NUP160: variants seen among roughly 807,000 people sequenced by gnomAD.
The protein encoded by NUP160 is nuclear pore complex protein Nup160.
A neutral mutation model predicts 196.9 loss-of-function variants in NUP160; 94 were observed. That is an observed-to-expected ratio of 0.48 (90% CI 0.40 to 0.57). NUP160 has a LOEUF of 0.57. NUP160 is among the 20% of genes least tolerant of loss of function. NUP160 has a pLI of 0.00. For synonymous variants in NUP160, 605 were observed against 619.7 expected (o/e 0.98, Z 0.35); for missense variants, 1,638 against 1,748.3 (o/e 0.94, Z 1.13).
chr11:47,791,859 A>G (rs1366259937), intron 29 of NUP160, 71 bp downstream of exon 29: 9 of 1,006,204 alleles, frequency 8.9e-6, no homozygotes, highest in East Asian at 4.8e-5. Flanking sequence ...ACATATTTCT[A>G]TCATAATACA....
Position 47,801,863 on chromosome 11 carries a change from C to T in NUP160, c.2843G>A (p.Arg948His), listed in dbSNP as rs745749003. 78 of 1,613,576 alleles carry T rather than the reference C, an allele frequency of 4.8e-5. No individual in the cohort carries two copies. Among genetic ancestry groups the T allele is most frequent in the Non-Finnish European group, 5.9e-5 (70 of 1,179,704 alleles). The change falls in exon 23 of 36, where the codon CGC (arginine) becomes CAC (histidine). Residue 948 changes from arginine (R) to histidine (H), a missense_variant. Physicochemically the swap from Arg to His is conservative, Grantham distance 29. This residue lies in a region of NUP160 where 1,345 missense variants were observed against 1,470.2 expected (regional missense o/e 0.91). Coordinates refer to ENST00000378460, the Ensembl canonical transcript of NUP160. Reference sequence around the variant, plus strand: ...AGACACGATCTCCCCATCCTCTGAGCGAATCAAGCGATCCAAGAATTCCTC... The same window carrying T: ...AGACACGATCTCCCCATCCTCTGAGTGAATCAAGCGATCCAAGAATTCCTC...
At chr11:47,798,537 T>C (rs180701993) in intron 23 of NUP160, 74 bp from the exon 24 acceptor site, 1 of 867,176 alleles carries the variant, frequency 1.2e-6, no homozygotes, top group Admixed American at 2.1e-5. Flanking sequence ...TGGTTTAAAA[T>C]TATTGAGAAA....
At chr11:47,785,728 CAGA>C (rs1200591086) in intron 32 of NUP160, among the ~76,000 whole-genome samples, 4 of 152,204 alleles carry the variant, frequency 2.6e-5, no homozygotes, top group African/African-American at 9.6e-5. Flanking sequence ...TAGAATCATG[CAGA>C]AGTTCTAACT....
chr11:47,846,726 A>G (rs1852408329), intron 2 of NUP160, among the ~76,000 whole-genome samples: 1 of 152,208 alleles, frequency 6.6e-6, no homozygotes, highest in South Asian at 2.1e-4. Flanking sequence ...CACTTTCCAC[A>G]AAGTAGACTG....
intron 34 of NUP160, 93 bp from the exon 35 acceptor site, chr11:47,780,540 C>G (rs929991548): frequency 2.5e-6 from 1 of 399,030 alleles, no homozygotes; most frequent in African/African-American, 2.6e-5. Flanking sequence ...ATAAAATACC[C>G]TTTTTTTTTT....
Position 47,822,181 on chromosome 11 carries a change from T to C in NUP160, c.1102-17A>G. ...AATGCAGAACTGTTAAAACACAAGA[T>C]GATCATTTATTACCTGAAATAATCA... On this transcript the variant is annotated splice_polypyrimidine_tract_variant and intron_variant, in intron 7 of 35. Coordinates refer to ENST00000378460, the Ensembl canonical transcript of NUP160. The C allele has an allele frequency of 6.6e-7, 1 of 1,505,256 alleles. No individual in the cohort carries two copies. The highest frequency in any genetic ancestry group is 9.2e-7 in the Non-Finnish European group (1 of 1,083,818). The allele number at this position is 1,505,256 out of a possible 1,614,324, so 93.2% of individuals were successfully genotyped here.
intron 2 of NUP160, among the ~76,000 whole-genome samples, chr11:47,843,248 T>C (rs1407577024): frequency 6.6e-6 from 1 of 152,164 alleles, no homozygotes; most frequent in Non-Finnish European, 1.5e-5. Context: ...TCCCTTTCCC[T>C]CTTGAACCCA....
chr11:47,816,635 G>A (rs1021506024), intron 11 of NUP160, among the ~76,000 whole-genome samples: 2 of 152,130 alleles, frequency 1.3e-5, no homozygotes, highest in South Asian at 2.1e-4. Flanking sequence ...AATTAGCCGG[G>A]TGTGGTGGCA....
intron 6 of NUP160, among the ~76,000 whole-genome samples, chr11:47,836,623 A>G (rs1852181416): frequency 6.6e-6 from 1 of 152,160 alleles, no homozygotes; most frequent in Non-Finnish European, 1.5e-5. Flanking sequence ...AAAATTAAAA[A>G]ATTTAAAAAA....
At position 47,792,964 on chromosome 11, in the gene NUP160, ATTAGACT is replaced by A; in HGVS notation, c.3290-25_3290-19del. ...TGTGCCAGCTATGAGGAGATAATAA[ATTAGACT>A]TTAGAACTTCCAAATTTTTTTTTCT... is the stretch of plus-strand genomic sequence containing the variant. On this transcript the variant is annotated intron_variant, in intron 27 of 35. Transcript: ENST00000378460. 1 of 1,595,356 alleles carries A rather than the reference ATTAGACT, an allele frequency of 6.3e-7. No individual in the cohort carries two copies. The highest frequency in any genetic ancestry group is 8.5e-7 in the Non-Finnish European group (1 of 1,174,332).
rs140949934 is a variant in NUP160 at position 47,797,770 on chromosome 11, A to G, written c.3289+9T>C. 1.5e-5 allele frequency: 24 copies of G among 1,590,454 alleles called. No individual in the cohort carries two copies. In the African/African-American group the frequency reaches 2.3e-4, roughly 15 times the overall value. ...TGTCTGCAAGATACTGTCTGGTTACATTGCTCACCCTTGCGGTAATTGTGG... is the reference window on the plus strand; with the variant it reads ...TGTCTGCAAGATACTGTCTGGTTACGTTGCTCACCCTTGCGGTAATTGTGG... On this transcript the variant is annotated intron_variant, in intron 27 of 35. Coordinates refer to ENST00000378460, the Ensembl canonical transcript of NUP160.
chr11:47,806,432 G>GT, intron 19 of NUP160, 120 bp from the exon 20 acceptor site: 1 of 704,508 alleles, frequency 1.4e-6, no homozygotes, highest in Non-Finnish European at 2.3e-6. Context: ...AACAGAAAAT[G>GT]TATCACGGGT....
chr11:47,848,262 GCGCTCAGCTC>G lies in NUP160; in HGVS notation c.149_158del (p.Gly50AlafsTer25). The G allele has an allele frequency of 1.2e-6, 2 of 1,614,144 alleles. No individual in the cohort carries two copies. The highest frequency in any genetic ancestry group is 1.7e-6 in the Non-Finnish European group (2 of 1,180,030). On this transcript the variant is annotated frameshift_variant, in exon 1 of 36. Transcript: ENST00000378460. LOFTEE classifies it high-confidence loss of function. ...ATTCCCGAAAGTGCCTCGGCCTTTC[GCGCTCAGCTC>G]CGCTTAGCTCCACGAAGCTCCGTTC...
chr11:47,786,220 A>G (rs143973203), intron 32 of NUP160, among the ~76,000 whole-genome samples: 372 of 152,336 alleles, frequency 2.4e-3, no homozygotes, highest in Middle Eastern at 0.014. Flanking sequence ...TGAAACAGTA[A>G]GTCTTTGAGG....
chr11:47,836,870 A>G lies in NUP160; in HGVS notation c.942+17T>C. ...AATCCTGTTTTAACTTACAGCAACT[A>G]TAAATGTAGCACTTACCTTGTAAGA... is the stretch of plus-strand genomic sequence containing the variant. On this transcript the variant is annotated intron_variant, in intron 6 of 35. Transcript: ENST00000378460. The G allele has an allele frequency of 2.1e-6, 3 of 1,424,500 alleles. No individual in the cohort carries two copies. The highest frequency in any genetic ancestry group is 3.0e-6 in the Non-Finnish European group (3 of 1,010,730). The allele number at this position is 1,424,500 out of a possible 1,614,324, so 88.2% of individuals were successfully genotyped here.
At chr11:47,780,797 C>A (rs2097660302) in intron 34 of NUP160, among the ~76,000 whole-genome samples, 1 of 151,928 alleles carries the variant, frequency 6.6e-6, no homozygotes, top group Non-Finnish European at 1.5e-5. Context: ...CTGCCTTGGC[C>A]TCCGAAAGTG....
chr11:47,790,395 G>T (rs1463757700), intron 29 of NUP160, among the ~76,000 whole-genome samples: 3 of 151,900 alleles, frequency 2.0e-5, no homozygotes, highest in Non-Finnish European at 4.4e-5. Context: ...GAGTAGCTGG[G>T]ATTACAGCCA....
intron 10 of NUP160, 106 bp from the exon 11 acceptor site, chr11:47,818,230 C>A: frequency 2.8e-6 from 2 of 720,150 alleles, no homozygotes; most frequent in Admixed American, 2.2e-5. Context: ...TGCCATTTTG[C>A]CCTTCTATAT....
At chr11:47,809,072 G>A (rs1442270036) in intron 17 of NUP160, among the ~76,000 whole-genome samples, 3 of 151,754 alleles carry the variant, frequency 2.0e-5, no homozygotes, top group Admixed American at 6.6e-5. Context: ...CTGCACTCCA[G>A]CCTGGGTGAC....
Sources: allele counts gnomAD v4.1 joint callset (sites outside exome capture counted in the v4.1 genomes callset), GRCh38; gene constraint gnomAD v4.1.1; regional missense constraint gnomAD v4.1.1; transcripts MANE v1.5; gene names NCBI Gene and HGNC (gene_info 2026-07-23, HGNC 2026-07-21).